The following PTGER3 variants were observed in gnomAD, a reference collection of about 807,000 sequenced individuals.
The protein encoded by PTGER3 is prostaglandin E receptor 3, also known as prostaglandin E2 receptor EP3 subtype.
In PTGER3, 22 loss-of-function variants were observed where a neutral mutation model predicts 34.7. That is an observed-to-expected ratio of 0.63 (90% CI 0.45 to 0.91). The LOEUF (loss-of-function observed/expected upper bound fraction) is 0.91. Among genes scored for constraint, PTGER3 ranks in the 40% least tolerant of loss-of-function variants. PTGER3 has a pLI of 0.00. For synonymous variants in PTGER3, 241 were observed against 230.1 expected, an observed-to-expected ratio of 1.05 and a Z score of -0.43; for missense variants, 468 against 519.4, an observed-to-expected ratio of 0.90 and a Z score of 0.96.
chr1:70,859,577 A>C (rs1211269261), intron 4 of PTGER3, among the ~76,000 whole-genome samples: 1 of 152,226 alleles, frequency 6.6e-6, no homozygotes, highest in Non-Finnish European at 1.5e-5. Flanking sequence ...GTATCTGGCA[A>C]TCAGCAAGAA....
At chr1:70,961,112 A>G (rs1333423099) in intron 2 of PTGER3, among the ~76,000 whole-genome samples, 5 of 152,184 alleles carry the variant, frequency 3.3e-5, no homozygotes, top group Non-Finnish European at 7.3e-5. Flanking sequence ...GACTGTAACA[A>G]TGTCAAACCT....
At chr1:70,861,871 A>AGTTTATG (rs1452375548) in intron 4 of PTGER3, among the ~76,000 whole-genome samples, 2 of 151,992 alleles carry the variant, frequency 1.3e-5, no homozygotes, top group African/African-American at 4.8e-5. Flanking sequence ...TGGCTGTTAA[A>AGTTTATG]GTTTATGTAA....
chr1:70,874,515 T>C (rs1646232461), intron 4 of PTGER3, among the ~76,000 whole-genome samples: 2 of 152,246 alleles, frequency 1.3e-5, no homozygotes, highest in African/African-American at 4.8e-5. Flanking sequence ...TTTTCAGTGT[T>C]AGGCCTCTCT....
At chr1:71,036,003 G>A (rs774638098) in intron 1 of PTGER3, among the ~76,000 whole-genome samples, 26 of 152,176 alleles carry the variant, frequency 1.7e-4, no homozygotes, top group Admixed American at 1.0e-3. Flanking sequence ...TAAAGTGCTC[G>A]TTTTTGATGT....
intron 2 of PTGER3, among the ~76,000 whole-genome samples, chr1:70,990,651 TTA>T (rs1655388478): frequency 6.6e-6 from 1 of 151,946 alleles, no homozygotes; most frequent in Admixed American, 6.6e-5. Flanking sequence ...TGGCTAATTT[TTA>T]TGTTTGTAGA....
chr1:70,993,365 G>C (rs1883461), intron 2 of PTGER3, among the ~76,000 whole-genome samples: 123,053 of 152,128 alleles, frequency 0.81, 49,930 homozygotes, highest in East Asian at 0.96. Context: ...GAATATGTCT[G>C]TGCGATAGAG....
At chr1:70,965,006 A>C (rs1168079631) in intron 2 of PTGER3, among the ~76,000 whole-genome samples, 1 of 152,194 alleles carries the variant, frequency 6.6e-6, no homozygotes, top group East Asian at 1.9e-4. Context: ...AGGTTTCTTG[A>C]AGGAAGTGGT....
At chr1:70,987,465 A>C (rs1655033038) in intron 2 of PTGER3, among the ~76,000 whole-genome samples, 1 of 152,224 alleles carries the variant, frequency 6.6e-6, no homozygotes, top group South Asian at 2.1e-4. Context: ...TTACCACATC[A>C]GTAATTGAGA....
At chr1:70,869,245 A>G (rs1212801776) in intron 4 of PTGER3, 1 of 470,426 alleles carries the variant, frequency 2.1e-6, no homozygotes, top group Non-Finnish European at 4.4e-6. Flanking sequence ...CTCACTCACT[A>G]TCATGAGAAC....
intron 4 of PTGER3, among the ~76,000 whole-genome samples, chr1:70,908,109 C>T (rs1646987293): frequency 6.6e-6 from 1 of 152,150 alleles, no homozygotes; most frequent in Non-Finnish European, 1.5e-5. Context: ...ACTTTGTCTG[C>T]TTGTGCAATA....
At position 70,974,332 on chromosome 1, in the gene PTGER3, A is replaced by G. The variant is rs1368049457; in HGVS notation, c.1134T>C (p.Cys378=). The G allele has an allele frequency of 6.6e-7, 1 of 1,504,420 alleles. No homozygotes were observed. The highest frequency in any genetic ancestry group is 2.3e-5 in the East Asian group (1 of 44,376). The allele number at this position is 1,504,420 out of a possible 1,614,324, so 93.2% of individuals were successfully genotyped here. A position where few individuals can be genotyped will look rare whatever the true frequency, so the allele number is the denominator to read the frequency against. The change falls in exon 3 of 4, where the codon TGT becomes TGC. Residue 378 remains cysteine, a synonymous_variant. Transcript: ENST00000306666. ...GGTCGCTCCACATCAAGGTTGAGGA[A>G]CACTGGCAGGGTAAGGAGGTGGAGC... ...ASSSTSLPCQ[C]SSTLMWSDHL...
At chr1:70,892,855 A>AG (rs1211721424) in intron 4 of PTGER3, among the ~76,000 whole-genome samples, 2 of 150,416 alleles carry the variant, frequency 1.3e-5, no homozygotes, top group Non-Finnish European at 3.0e-5. Context: ...AAAAAAAAAA[A>AG]GAAAGAAAAA....
chr1:71,026,271 T>C (rs1320361578), intron 1 of PTGER3, among the ~76,000 whole-genome samples: 1 of 152,188 alleles, frequency 6.6e-6, no homozygotes, highest in Non-Finnish European at 1.5e-5. Flanking sequence ...CCTATATAAG[T>C]GCTATGTAAG....
intron 2 of PTGER3, chr1:71,011,919 C>A: frequency 8.5e-7 from 1 of 1,182,422 alleles, no homozygotes; most frequent in East Asian, 5.1e-5. Context: ...TCCCCGCTCC[C>A]CAATAGACCA....
At chr1:70,938,465 A>G (rs1306421329) in intron 4 of PTGER3, among the ~76,000 whole-genome samples, 1 of 152,178 alleles carries the variant, frequency 6.6e-6, no homozygotes, top group Non-Finnish European at 1.5e-5. Flanking sequence ...AACATTTTCC[A>G]TTTTCATTTC....
intron 3 of PTGER3, chr1:70,953,688 A>C: frequency 2.6e-6 from 4 of 1,528,518 alleles, no homozygotes; most frequent in Non-Finnish European, 3.5e-6. Flanking sequence ...AAATATGACA[A>C]ACAGTACAGT....
At chr1:70,873,264 C>T (rs977984757) in intron 4 of PTGER3, among the ~76,000 whole-genome samples, 1 of 152,054 alleles carries the variant, frequency 6.6e-6, no homozygotes, top group African/African-American at 2.4e-5. Flanking sequence ...TTAGGTTTAC[C>T]AGGTATAGTT....
intron 4 of PTGER3, among the ~76,000 whole-genome samples, chr1:70,900,474 T>A (rs1383797316): frequency 2.0e-5 from 3 of 152,204 alleles, no homozygotes; most frequent in Admixed American, 1.3e-4. Flanking sequence ...TCCTAGAGAC[T>A]ATTTCAGTAT....
At chr1:71,010,107 T>C (rs1657311966) in intron 2 of PTGER3, 1 of 985,126 alleles carries the variant, frequency 1.0e-6, no homozygotes, top group Non-Finnish European at 1.2e-6. Context: ...GGAATTTAAT[T>C]TGCAGTTAAG....
Sources: allele counts gnomAD v4.1 joint callset (sites outside exome capture counted in the v4.1 genomes callset), GRCh38; gene constraint gnomAD v4.1.1; transcripts MANE v1.5; gene names NCBI Gene and HGNC (gene_info 2026-07-23, HGNC 2026-07-21).